The following DLD variants were observed in gnomAD, a reference collection of about 807,000 sequenced individuals.
The protein encoded by DLD is dihydrolipoamide dehydrogenase.
Under a neutral mutation model 62.2 loss-of-function variants are expected in DLD, and 36 were observed. The observed-to-expected ratio is 0.58, with a 90% CI of 0.44 to 0.76. The LOEUF is 0.76. DLD is among the 30% of genes least tolerant of loss of function. The probability of loss-of-function intolerance (pLI) is 0.00; values close to 1 mark genes in which losing one functional copy is unlikely to be tolerated. For synonymous variants in DLD, 204 were observed against 199.6 expected (o/e 1.02, Z -0.19); for missense variants, 541 against 608.6 (o/e 0.89, Z 1.17).
At chr7:107,910,867 A>G (rs950475952) in intron 8 of DLD, among the ~76,000 whole-genome samples, 2 of 152,098 alleles carry the variant, frequency 1.3e-5, no homozygotes, top group East Asian at 1.9e-4. Flanking sequence ...ATCACTCCCT[A>G]CTTTGAATTA....
intron 1 of DLD, among the ~76,000 whole-genome samples, chr7:107,892,763 G>A (rs2031619824): frequency 6.6e-6 from 1 of 152,094 alleles, no homozygotes; most frequent in Admixed American, 6.5e-5. Flanking sequence ...GGCCAGGCTG[G>A]TCTCGAACTC....
chr7:107,917,679 A>G (rs1584473574), intron 11 of DLD, among the ~76,000 whole-genome samples: 1 of 152,234 alleles, frequency 6.6e-6, no homozygotes, highest in Admixed American at 6.5e-5. Flanking sequence ...TTAAAAAACT[A>G]GTAATTCCAG....
Position 107,920,240 on chromosome 7 carries a change from T to G in DLD, c.*981T>G, listed in dbSNP as rs2032376466. On this transcript the variant is annotated 3_prime_UTR_variant, in exon 14 of 14. Coordinates refer to ENST00000205402, the MANE Select transcript of DLD (RefSeq NM_000108.5). The stretch of plus-strand genomic sequence containing the variant: ...ATGACTGTTTATTTAAAGAGTGTTG[T>G]AAAATTGGATGTGTGGTGTTTAAAA... 6.6e-6 allele frequency: 1 copy of G among 152,360 alleles called. No homozygotes were observed. The highest frequency in any genetic ancestry group is 2.4e-5 in the African/African-American group (1 of 41,466). 9.4% of individuals were successfully genotyped at this position (152,360 alleles called of 1,614,324 possible).
At chr7:107,891,630 C>T (rs752911398) in intron 1 of DLD, 398 of 498,080 alleles carry the variant, frequency 8.0e-4, no homozygotes, top group Admixed American at 2.2e-3. Context: ...CACCCATGTC[C>T]CGTATAGTCT....
At chr7:107,899,454 C>G (rs2031820130) in intron 2 of DLD, among the ~76,000 whole-genome samples, 1 of 151,652 alleles carries the variant, frequency 6.6e-6, no homozygotes, top group Non-Finnish European at 1.5e-5. Flanking sequence ...GTTTACTTCT[C>G]CTGACCTTAC....
chr7:107,895,090 A>G (rs1411899620), intron 2 of DLD, among the ~76,000 whole-genome samples: 1 of 152,188 alleles, frequency 6.6e-6, no homozygotes, highest in East Asian at 1.9e-4. Context: ...ACCAGCTACA[A>G]CAGCAATAAT....
At chr7:107,895,502 A>G (rs561351446) in intron 2 of DLD, among the ~76,000 whole-genome samples, 18 of 152,312 alleles carry the variant, frequency 1.2e-4, no homozygotes, top group African/African-American at 4.3e-4. Context: ...CAGCACTTAT[A>G]TCACTCACAT....
At chr7:107,903,274 T>C (rs917156936) in intron 4 of DLD, among the ~76,000 whole-genome samples, 8 of 152,134 alleles carry the variant, frequency 5.3e-5, no homozygotes, top group Non-Finnish European at 1.0e-4. Context: ...GATGCATGCC[T>C]GTAATCCCAG....
intron 9 of DLD, 83 bp downstream of exon 9, chr7:107,915,779 TA>T: frequency 3.9e-6 from 5 of 1,274,738 alleles, no homozygotes. Context: ...GTTTAGCAAA[TA>T]TAGGGTTTTT....
At chr7:107,913,491 C>T (rs1441677233) in intron 8 of DLD, among the ~76,000 whole-genome samples, 1 of 149,762 alleles carries the variant, frequency 6.7e-6, no homozygotes, top group African/African-American at 2.4e-5. Flanking sequence ...TTCATTATAG[C>T]TATTGCAAAT....
At chr7:107,915,357 A>T in intron 8 of DLD, 149 bp from the exon 9 acceptor site, 1 of 755,356 alleles carries the variant, frequency 1.3e-6, no homozygotes, top group Non-Finnish European at 2.2e-6. Flanking sequence ...ATACATATTT[A>T]ACACAGGGTC....
intron 8 of DLD, among the ~76,000 whole-genome samples, chr7:107,909,041 T>C (rs1258147024): frequency 6.6e-6 from 1 of 152,230 alleles, no homozygotes; most frequent in African/African-American, 2.4e-5. Flanking sequence ...TAGAGAGTAC[T>C]TCTTTTGATA....
chr7:107,915,410 A>C (rs2032242486), intron 8 of DLD, 96 bp from the exon 9 acceptor site: 1 of 1,374,202 alleles, frequency 7.3e-7, no homozygotes, highest in South Asian at 1.2e-5. Flanking sequence ...TACTAGCGAA[A>C]GAAGAAAATG....
At chr7:107,906,030 T>C (rs185037356) in intron 7 of DLD, among the ~76,000 whole-genome samples, 7 of 152,302 alleles carry the variant, frequency 4.6e-5, no homozygotes, top group Admixed American at 2.6e-4. Flanking sequence ...GGATTACTTA[T>C]AATACCTAAT....
intron 8 of DLD, among the ~76,000 whole-genome samples, chr7:107,913,812 A>G (rs1271262866): frequency 6.6e-6 from 1 of 152,060 alleles, no homozygotes; most frequent in Non-Finnish European, 1.5e-5. Flanking sequence ...ATTGTTCCAG[A>G]TATTAGAGGA....
chr7:107,895,349 T>A (rs78395038), intron 2 of DLD, among the ~76,000 whole-genome samples: 1 of 152,238 alleles, frequency 6.6e-6, no homozygotes, highest in Admixed American at 6.5e-5. Flanking sequence ...TATTATGATA[T>A]AGTCTTGGTT....
At chr7:107,915,839 AATT>A (rs1480784406) in intron 9 of DLD, 143 bp downstream of exon 9, 30 of 682,320 alleles carry the variant, frequency 4.4e-5, no homozygotes, top group Non-Finnish European at 6.4e-5. Context: ...TTGCTTATCA[AATT>A]ATTGCATTAG....
At chr7:107,914,924 T>C (rs947765694) in intron 8 of DLD, among the ~76,000 whole-genome samples, 2 of 152,230 alleles carry the variant, frequency 1.3e-5, no homozygotes, top group Non-Finnish European at 2.9e-5. Flanking sequence ...GCCAGTTTAA[T>C]ATTCTGCAAA....
intron 7 of DLD, 90 bp from the exon 8 acceptor site, chr7:107,906,177 A>C (rs952404558): frequency 9.2e-6 from 7 of 762,490 alleles, no homozygotes; most frequent in Non-Finnish European, 1.6e-5. Context: ...GGTTGGTTAA[A>C]TCTGCAAATT....
Sources: allele counts gnomAD v4.1 joint callset (sites outside exome capture counted in the v4.1 genomes callset), GRCh38; gene constraint gnomAD v4.1.1; transcripts MANE v1.5; gene names NCBI Gene and HGNC (gene_info 2026-07-23, HGNC 2026-07-21).